Variants in TP63 observed in about 807,000 individuals in gnomAD.
TP63 encodes tumor protein p63.
A neutral mutation model predicts 82.8 loss-of-function variants in TP63; 17 were observed. The observed-to-expected ratio is 0.21, with a 90% CI of 0.14 to 0.31. TP63 has a LOEUF of 0.31. Among genes scored for constraint, TP63 ranks in the 10% least tolerant of loss-of-function variants. The probability of loss-of-function intolerance (pLI) is 1.00; values close to 1 mark genes in which losing one functional copy is unlikely to be tolerated. For missense variants in TP63, 648 were observed against 895.3 expected (o/e 0.72, Z 3.52); for synonymous variants, 330 against 321.7 (o/e 1.03, Z -0.28).
At chr3:189,815,039 T>C (rs1324585972) in intron 4 of TP63, among the ~76,000 whole-genome samples, 2 of 152,196 alleles carry the variant, frequency 1.3e-5, no homozygotes. Context: ...TTTTCCCTTT[T>C]CTTCTTTCTC....
intron 3 of TP63, among the ~76,000 whole-genome samples, chr3:189,746,711 C>A (rs186009672): frequency 4.6e-5 from 7 of 151,608 alleles, no homozygotes; most frequent in Non-Finnish European, 5.9e-5. Context: ...AACCTTCAAT[C>A]TAAATGGAAT....
chr3:189,708,818 C>T (rs755339866), intron 1 of TP63, among the ~76,000 whole-genome samples: 1 of 152,148 alleles, frequency 6.6e-6, no homozygotes, highest in Non-Finnish European at 1.5e-5. Context: ...TTTTATAATA[C>T]TTAAAATAGG....
chr3:189,672,990 G>T (rs992766289), intron 1 of TP63, among the ~76,000 whole-genome samples: 23 of 151,982 alleles, frequency 1.5e-4, no homozygotes, highest in African/African-American at 5.6e-4. Context: ...GCAGACTCCT[G>T]CCACCACGCC....
At chr3:189,770,369 A>G (rs1217285303) in intron 3 of TP63, among the ~76,000 whole-genome samples, 1 of 152,190 alleles carries the variant, frequency 6.6e-6, no homozygotes, top group East Asian at 1.9e-4. Context: ...ACCTGAGATC[A>G]GCCTGGCCAA....
chr3:189,705,736 A>AG (rs908496959), intron 1 of TP63, among the ~76,000 whole-genome samples: 20 of 152,148 alleles, frequency 1.3e-4, no homozygotes, highest in Non-Finnish European at 2.6e-4. Flanking sequence ...AATATTCTCA[A>AG]GGGGGGTACA....
At chr3:189,628,453 G>A (rs894751759), upstream of TP63, among the ~76,000 whole-genome samples, 8 of 152,032 alleles carry the variant, frequency 5.3e-5, no homozygotes, top group African/African-American at 1.9e-4. Context: ...TTGGCTCCTA[G>A]GAGTCAAGAA....
At chr3:189,771,188 T>C (rs1723311478) in intron 3 of TP63, among the ~76,000 whole-genome samples, 1 of 149,746 alleles carries the variant, frequency 6.7e-6, no homozygotes, top group Admixed American at 6.7e-5. Flanking sequence ...AGCTCCAAGT[T>C]GAATGAGCTC....
At chr3:189,670,929 T>C (rs1216466559) in intron 1 of TP63, among the ~76,000 whole-genome samples, 1 of 152,028 alleles carries the variant, frequency 6.6e-6, no homozygotes, top group Non-Finnish European at 1.5e-5. Context: ...ATGATAAATC[T>C]ACCAGAAGAA....
chr3:189,623,820 A>G, the TP63 span, among the ~76,000 whole-genome samples: 1 of 150,270 alleles, frequency 6.7e-6, no homozygotes, highest in East Asian at 2.0e-4. Context: ...CAGACACACT[A>G]AAGGTCAATT....
rs145205960 is a variant in TP63 at position 189,697,664 on chromosome 3, T to C, written c.63-40076T>C. 2.0e-5 allele frequency among the ~76,000 whole-genome samples: 3 copies of C among 152,196 alleles called. No individual in the cohort carries two copies. In the East Asian group the frequency reaches 5.8e-4, roughly 29 times the overall value. On this transcript the variant is annotated intron_variant, in intron 1 of 13. Coordinates refer to ENST00000264731, the MANE Select transcript of TP63 (RefSeq NM_003722.5). ...GGGAGGAGCTAACATCTAGACAGTA[T>C]TGAGTCTCCTCTCCCATCAATGCAA...
rs558341782 is a variant in TP63 at position 189,741,943 on chromosome 3, G to A, written c.324+3169G>A. On this transcript the variant is annotated intron_variant, in intron 3 of 13. Transcript: ENST00000264731. ...GAACTTCTAGGTTCTTGATTCTGTTGTCAAGTATATTACTTTAGGCCAGGT... is the reference window on the plus strand; with the variant it reads ...GAACTTCTAGGTTCTTGATTCTGTTATCAAGTATATTACTTTAGGCCAGGT... 2.6e-5 allele frequency among the ~76,000 whole-genome samples: 4 copies of A among 152,094 alleles called. No homozygotes were observed. In the South Asian group the frequency reaches 6.2e-4, roughly 24 times the overall value.
At chr3:189,835,319 G>T (rs560006196) in intron 4 of TP63, among the ~76,000 whole-genome samples, 1 of 152,218 alleles carries the variant, frequency 6.6e-6, no homozygotes, top group Non-Finnish European at 1.5e-5. Flanking sequence ...GTTTATGAAG[G>T]CATGTAAAAC....
chr3:189,891,922 A>T (rs1380988281), intron 13 of TP63, among the ~76,000 whole-genome samples: 3 of 152,000 alleles, frequency 2.0e-5, no homozygotes, highest in African/African-American at 7.3e-5. Flanking sequence ...TTGAGCACCG[A>T]TGCTAGAGAT....
chr3:189,619,049 C>T, the TP63 span, among the ~76,000 whole-genome samples: 1 of 152,148 alleles, frequency 6.6e-6, no homozygotes, highest in East Asian at 1.9e-4. Flanking sequence ...TTAGTCCCCT[C>T]AATCAAGTAC....
At chr3:189,716,194 A>G (rs928824191) in intron 1 of TP63, among the ~76,000 whole-genome samples, 1 of 152,218 alleles carries the variant, frequency 6.6e-6, no homozygotes, top group Admixed American at 6.5e-5. Context: ...TGCATCCGTT[A>G]CTGACCTTTG....
intron 1 of TP63, among the ~76,000 whole-genome samples, chr3:189,711,658 T>C (rs1406805537): frequency 1.3e-5 from 2 of 152,042 alleles, no homozygotes; most frequent in African/African-American, 2.4e-5. Context: ...AACGGAGAAA[T>C]TCAGTGAATT....
chr3:189,852,141 TC>T (rs1715715722), intron 4 of TP63, among the ~76,000 whole-genome samples: 1 of 152,228 alleles, frequency 6.6e-6, no homozygotes, highest in Non-Finnish European at 1.5e-5. Flanking sequence ...ATTTTTTAAC[TC>T]CTAGTCCAAT....
At chr3:189,653,035 A>G (rs1371443063) in intron 1 of TP63, among the ~76,000 whole-genome samples, 3 of 120,994 alleles carry the variant, frequency 2.5e-5, no homozygotes, top group African/African-American at 1.0e-4. Flanking sequence ...TATAATCAGC[A>G]TGTTCTTTTT....
At position 189,868,562 on chromosome 3, in the gene TP63, C is replaced by A. The variant is rs376061503; in HGVS notation, c.993-18C>A. 44 of 1,613,716 alleles carry A rather than the reference C, an allele frequency of 2.7e-5. No homozygotes were observed. In the African/African-American group the frequency reaches 5.2e-4, roughly 19 times the overall value. The stretch of plus-strand genomic sequence containing the variant: ...GCTTTGAATTTAACTCTTTCTTCCC[C>A]TTTATTCTAATTCCTAGTGGGCAAG... On this transcript the variant is annotated intron_variant, in intron 7 of 13. Transcript: ENST00000264731.
Sources: gnomAD v4.1 joint callset for allele counts (sites outside exome capture counted in the v4.1 genomes callset) on GRCh38, gnomAD v4.1.1 for gene constraint, MANE v1.5 for transcripts, NCBI Gene and HGNC (gene_info 2026-07-23, HGNC 2026-07-21) for gene names.